Variants in SNED1 observed in about 807,000 individuals in gnomAD.
SNED1 encodes the protein sushi, nidogen and EGF like domains 1, also known as sushi, nidogen and EGF-like domain-containing protein 1.
Under a neutral mutation model 166.7 loss-of-function variants are expected in SNED1, and 81 were observed. The ratio of observed to expected loss-of-function variants is 0.49; its 90% CI spans 0.41 to 0.58. The LOEUF (loss-of-function observed/expected upper bound fraction) is 0.58. SNED1 is among the 20% of genes least tolerant of loss of function. SNED1 has a pLI of 0.00. For synonymous variants in SNED1, 762 were observed against 822.0 expected (o/e 0.93, Z 1.25); for missense variants, 1,604 against 2,000.2 (o/e 0.80, Z 3.78).
At chr2:241,063,241 C>T (rs1429857616) in intron 17 of SNED1, 4 of 479,278 alleles carry the variant, frequency 8.3e-6, no homozygotes, top group Non-Finnish European at 1.5e-5. Flanking sequence ...GAGCCCTGCA[C>T]ACTCTTGTAC....
intron 27 of SNED1, among the ~76,000 whole-genome samples, chr2:241,078,962 A>C (rs1225488044): frequency 1.3e-5 from 2 of 151,490 alleles, no homozygotes. Flanking sequence ...AAAAATACAA[A>C]AATTAGCCAG....
rs950500826 is a variant in SNED1, at chr2:241,051,523, G to C, written c.1736-221G>C. On this transcript the variant is annotated intron_variant, in intron 12 of 31. Transcript: ENST00000310397. This position sits in a 1 kb window ranked among gnomAD's most constrained non-coding sequence, Gnocchi z 4.7. ...GCAGAAAAGAGGACAGGCAAGCAAA[G>C]GGCCCACCTGTGACTGAGTTGGGGT... The C allele has an allele frequency of 9.4e-6, 4 of 424,426 alleles. No individual in the cohort carries two copies. The highest frequency in any genetic ancestry group is 1.7e-5 in the Non-Finnish European group (4 of 240,412). The allele number at this position is 424,426 out of a possible 1,614,324, so 26.3% of individuals were successfully genotyped here.
At chr2:241,067,656 C>A in intron 21 of SNED1, 108 bp from the exon 22 acceptor site, 1 of 860,106 alleles carries the variant, frequency 1.2e-6, no homozygotes, top group Non-Finnish European at 1.8e-6. Flanking sequence ...TCTCCAGTGC[C>A]TCTCTGTGGC....
chr2:241,052,187 G>A (rs376750606), intron 14 of SNED1, 30 bp downstream of exon 14: 60 of 1,581,786 alleles, frequency 3.8e-5, no homozygotes, highest in Admixed American at 1.2e-4. Flanking sequence ...AGGCCAGGGC[G>A]GCCAGGGGTG....
intron 1 of SNED1, among the ~76,000 whole-genome samples, chr2:241,025,733 C>T (rs1352273334): frequency 6.6e-6 from 1 of 152,050 alleles, no homozygotes; most frequent in Non-Finnish European, 1.5e-5. Flanking sequence ...GGTATTTTAT[C>T]TGGATATAAG....
Position 241,040,169 on chromosome 2 carries a change from C to A in SNED1, c.1140C>A (p.Thr380=). 1 of 1,598,942 alleles carries A rather than the reference C, an allele frequency of 6.3e-7. No homozygotes were observed. Among genetic ancestry groups the A allele is most frequent in the South Asian group, 1.1e-5 (1 of 88,340 alleles). Residue 380 remains threonine, a synonymous_variant, in exon 7 of 32, where the codon ACC becomes ACA. Coordinates refer to ENST00000310397, the MANE Select transcript of SNED1 (RefSeq NM_001080437.3). ...SAVCVCQAGY[T]GAACEMDVDD... ...TGTGTGTGTGCCAGGCCGGATACAC[C>A]GGAGCAGCCTGCGAGATGGGTGAGT...
At chr2:241,081,574 G>C in intron 27 of SNED1, 103 bp from the exon 28 acceptor site, 2 of 845,796 alleles carry the variant, frequency 2.4e-6, no homozygotes, top group Non-Finnish European at 3.8e-6. Flanking sequence ...AGGAGTGCAC[G>C]GCCACCCTGC....
intron 26 of SNED1, 159 bp downstream of exon 26, chr2:241,072,037 G>C (rs527491680): frequency 2.7e-6 from 2 of 734,568 alleles, no homozygotes; most frequent in Admixed American, 4.0e-5. Context: ...CGCGGGGCTC[G>C]TGGGCCGCCG....
chr2:241,065,551 A>C lies in SNED1; in HGVS notation c.2966A>C (p.Asn989Thr), dbSNP rs1432378123. 1 of 1,612,564 alleles carries C rather than the reference A, an allele frequency of 6.2e-7. No individual in the cohort carries two copies. Among genetic ancestry groups the C allele is most frequent in the Non-Finnish European group, 8.5e-7 (1 of 1,179,798 alleles). The part of the protein sequence containing the change: ...SVFSVKRNSN[N>T]KNDISRPAVL... Reference sequence around the variant, plus strand: ...TTCTCAGTGAAGCGAAACAGTAACAACAAGAATGACATCAGCAGGCCTGCC... The same window carrying C: ...TTCTCAGTGAAGCGAAACAGTAACACCAAGAATGACATCAGCAGGCCTGCC... The change falls in exon 21 of 32, where the codon AAC becomes ACC. Residue 989 changes from asparagine (N) to threonine (T), a missense_variant. By Grantham distance (65) the Asn-to-Thr change is moderately conservative. Coordinates refer to ENST00000310397, the MANE Select transcript of SNED1 (RefSeq NM_001080437.3).
At position 241,094,003 on chromosome 2, in the gene SNED1, T is replaced by C. The variant is rs747043595; in HGVS notation, c.*2367T>C. On this transcript the variant is annotated 3_prime_UTR_variant, in exon 32 of 32. Coordinates refer to ENST00000310397, the MANE Select transcript of SNED1 (RefSeq NM_001080437.3). The surrounding 1 kb of genome is among the most constrained non-coding windows in gnomAD (Gnocchi z 4.3). ...CCAAGTGCAGACTGAGGATTCTACTTAGTCCTCCGACTGGGTACAACAACA... is the reference window on the plus strand; with the variant it reads ...CCAAGTGCAGACTGAGGATTCTACTCAGTCCTCCGACTGGGTACAACAACA... The C allele has an allele frequency of 5.3e-5, 13 of 245,732 alleles. No homozygotes were observed. Among genetic ancestry groups the C allele is most frequent in the South Asian group, 4.5e-5 (1 of 22,328 alleles). The allele number at this position is 245,732 out of a possible 1,614,324, so 15.2% of individuals were successfully genotyped here.
In SNED1 at chr2:241,053,205, C is replaced by T. The variant is rs200053273; in HGVS notation, c.2136C>T (p.Asn712=). 82 of 1,610,166 alleles carry T rather than the reference C, an allele frequency of 5.1e-5. No individual in the cohort carries two copies. The highest frequency in any genetic ancestry group is 9.3e-5 in the African/African-American group (7 of 75,026). Residue 712 remains asparagine, a synonymous_variant, in exon 16 of 32, where the codon AAC becomes AAT. Coordinates refer to ENST00000310397, the MANE Select transcript of SNED1 (RefSeq NM_001080437.3). Reference sequence around the variant, plus strand: ...TGAAGCACGCCACACTGCGCTTCAACGGCACGCGGCTGGGCGCGGTGGCCC... The same window carrying T: ...TGAAGCACGCCACACTGCGCTTCAATGGCACGCGGCTGGGCGCGGTGGCCC... ...EEVKHATLRF[N]GTRLGAVALY...
Position 241,034,624 on chromosome 2 carries a change from A to G in SNED1, c.699A>G (p.Thr233=), listed in dbSNP as rs2061289190. Residue 233 remains threonine (T), a synonymous_variant, in exon 4 of 32, where the codon ACA becomes ACG. Coordinates refer to ENST00000310397, the MANE Select transcript of SNED1 (RefSeq NM_001080437.3). ...QRYFSIPGSR[T]ADMAEVETTT... ...ACTTCAGTATCCCCGGCTCGCGCAC[A>G]GCAGACATGGCCGAGGTGGAGACCA... 5 of 1,611,828 alleles carry G rather than the reference A, an allele frequency of 3.1e-6. No homozygotes were observed. Among genetic ancestry groups the G allele is most frequent in the Non-Finnish European group, 8.5e-7 (1 of 1,179,480 alleles).
At chr2:241,067,036 C>T (rs1482935076) in intron 21 of SNED1, among the ~76,000 whole-genome samples, 1 of 152,216 alleles carries the variant, frequency 6.6e-6, no homozygotes, top group African/African-American at 2.4e-5. Flanking sequence ...GGTGGCTCGC[C>T]TGGGCTGTTT....
At chr2:241,045,851 T>G (rs2061631552) in intron 8 of SNED1, among the ~76,000 whole-genome samples, 1 of 152,118 alleles carries the variant, frequency 6.6e-6, no homozygotes, top group African/African-American at 2.4e-5. Context: ...AAGACATGGT[T>G]AAAAGAATAA....
intron 27 of SNED1, among the ~76,000 whole-genome samples, chr2:241,076,867 G>A (rs1199563371): frequency 1.3e-5 from 2 of 152,176 alleles, no homozygotes; most frequent in South Asian, 2.1e-4. Flanking sequence ...CGAGGCGGGC[G>A]GATCACCAGG....
At chr2:241,026,694 T>C (rs1016161112) in intron 1 of SNED1, among the ~76,000 whole-genome samples, 19 of 152,378 alleles carry the variant, frequency 1.2e-4, no homozygotes, top group South Asian at 2.1e-4. Context: ...ACATTCCTGA[T>C]TAATTTTTTT....
At chr2:241,045,760 G>A (rs1184728773) in intron 8 of SNED1, among the ~76,000 whole-genome samples, 1 of 150,342 alleles carries the variant, frequency 6.7e-6, no homozygotes, top group Non-Finnish European at 1.5e-5. Flanking sequence ...AGTGTTCTTA[G>A]ATAAGACAGC....
chr2:241,036,724 G>A (rs1423019942), intron 4 of SNED1, 66 bp from the exon 5 acceptor site: 5 of 1,587,940 alleles, frequency 3.1e-6, no homozygotes, highest in Non-Finnish European at 4.3e-6. Context: ...AGATGCGGAT[G>A]GGAGTGGCTC....
At position 241,093,060 on chromosome 2, in the gene SNED1, T is replaced by C. The variant is rs965221880; in HGVS notation, c.*1424T>C. The C allele has an allele frequency of 1.3e-5, 2 of 152,304 alleles. No homozygotes were observed. Among genetic ancestry groups the C allele is most frequent in the Admixed American group, 1.3e-4 (2 of 15,288 alleles). The allele number at this position is 152,304 out of a possible 1,614,324, so 9.4% of individuals were successfully genotyped here. ...TTAGGCTTTTTATCTTTATTAAAAT[T>C]TCATGTGCATGTGTCTGTGTATTCT... On this transcript the variant is annotated 3_prime_UTR_variant, in exon 32 of 32. Transcript: ENST00000310397.
Sources: gnomAD v4.1 joint callset for allele counts (sites outside exome capture counted in the v4.1 genomes callset) on GRCh38, gnomAD v4.1.1 for gene constraint, Gnocchi (gnomAD v3.1) non-coding constraint, MANE v1.5 for transcripts, NCBI Gene and HGNC (gene_info 2026-07-23, HGNC 2026-07-21) for gene names.